Variants in ZNF343 observed in about 807,000 individuals in gnomAD.
ZNF343 encodes the protein zinc finger protein 343.
A neutral mutation model predicts 13.8 loss-of-function variants in ZNF343; 11 were observed. The ratio of observed to expected loss-of-function variants is 0.80; its 90% CI spans 0.50 to 1.32. ZNF343 has a LOEUF of 1.32. Among genes scored for constraint, ZNF343 ranks in the 40% most tolerant of loss-of-function variants. The pLI is 0.00. For missense variants in ZNF343, 658 were observed against 714.2 expected (o/e 0.92, Z 0.90); for synonymous variants, 248 against 260.0 (o/e 0.95, Z 0.44).
chr20:2,507,264 C>CA (rs775388577), intron 1 of ZNF343, among the ~76,000 whole-genome samples: 8,026 of 57,504 alleles, frequency 0.14, 436 homozygotes, highest in African/African-American at 0.22. Context: ...AACTGTGTCT[C>CA]AAAAAAAAAA....
chr20:2,516,048 AT>A (rs780115874), intron 1 of ZNF343, among the ~76,000 whole-genome samples: 1 of 152,004 alleles, frequency 6.6e-6, no homozygotes, highest in Non-Finnish European at 1.5e-5. Context: ...TGATGGTCAG[AT>A]TGAGGTGATG....
intron 5 of ZNF343, among the ~76,000 whole-genome samples, chr20:2,488,395 T>G (rs1427850378): frequency 6.6e-6 from 1 of 151,904 alleles, no homozygotes; most frequent in Non-Finnish European, 1.5e-5. Flanking sequence ...CTCCAGGAAT[T>G]TGAGATGCCA....
chr20:2,483,789 C>T lies in ZNF343; in HGVS notation c.1172G>A (p.Cys391Tyr), dbSNP rs751850982. Residue 391 changes from cysteine to tyrosine, a missense_variant, in exon 6 of 6, where the codon TGT becomes TAT. Transcript: ENST00000278772. ...YVCLECGRSF[C>Y]DKSTLRKHQR... The stretch of plus-strand genomic sequence containing the variant: ...GTGTTTTCTGAGGGTTGACTTATCA[C>T]AAAAGCTTCGTCCACACTCCAGGCA... 1 of 1,614,006 alleles carries T rather than the reference C, an allele frequency of 6.2e-7. No individual in the cohort carries two copies. The highest frequency in any genetic ancestry group is 2.2e-5 in the East Asian group (1 of 44,872).
chr20:2,516,869 G>A (rs994328761), intron 1 of ZNF343, among the ~76,000 whole-genome samples: 7 of 152,224 alleles, frequency 4.6e-5, no homozygotes, highest in African/African-American at 9.6e-5. Flanking sequence ...AAAGGTGGGC[G>A]TGAGGTTCAG....
chr20:2,522,856 T>C (rs972845989), intron 1 of ZNF343, among the ~76,000 whole-genome samples: 9 of 152,016 alleles, frequency 5.9e-5, no homozygotes, highest in Non-Finnish European at 4.4e-5. Flanking sequence ...GAGGCTGAGG[T>C]GGGAGGATCG....
intron 1 of ZNF343, among the ~76,000 whole-genome samples, chr20:2,506,590 G>A (rs1481255034): frequency 1.3e-5 from 2 of 152,136 alleles, no homozygotes; most frequent in African/African-American, 4.8e-5. Context: ...TGTGGCACAT[G>A]TACACCACGG....
chr20:2,512,903 T>C (rs1417519572), upstream of ZNF343, among the ~76,000 whole-genome samples: 1 of 133,118 alleles, frequency 7.5e-6, no homozygotes, highest in Non-Finnish European at 1.6e-5. Context: ...CTAGGCAACA[T>C]AGACCATTTC....
intron 4 of ZNF343, 68 bp downstream of exon 4, chr20:2,493,451 A>C (rs777304579): frequency 7.1e-6 from 10 of 1,410,388 alleles, no homozygotes; most frequent in Non-Finnish European, 1.0e-5. Context: ...AAGAAAGAGA[A>C]TATATGTCTA....
At chr20:2,515,010 A>C (rs1438523215) in intron 1 of ZNF343, among the ~76,000 whole-genome samples, 1 of 151,824 alleles carries the variant, frequency 6.6e-6, no homozygotes, top group Non-Finnish European at 1.5e-5. Context: ...ATCAAAAAAA[A>C]AAAAGAAGAA....
intron 2 of ZNF343, chr20:2,495,305 A>G (rs189722024): frequency 6.6e-6 from 1 of 152,340 alleles, no homozygotes; most frequent in Admixed American, 6.5e-5. Flanking sequence ...TAGTGATTAG[A>G]ATAAAAGAGG....
At chr20:2,493,636 A>G in intron 3 of ZNF343, 59 bp from the exon 4 acceptor site, 1 of 781,116 alleles carries the variant, frequency 1.3e-6, no homozygotes, top group Non-Finnish European at 1.9e-6. Flanking sequence ...ACCCCCCACC[A>G]TGACGCTCCC....
chr20:2,503,291 G>C (rs900109221), intron 1 of ZNF343, among the ~76,000 whole-genome samples: 9 of 152,106 alleles, frequency 5.9e-5, no homozygotes, highest in Non-Finnish European at 1.2e-4. Flanking sequence ...CAACACAGGA[G>C]TACCCAGATT....
chr20:2,488,578 T>C (rs745490971), intron 5 of ZNF343, among the ~76,000 whole-genome samples: 2 of 152,180 alleles, frequency 1.3e-5, no homozygotes, highest in Non-Finnish European at 2.9e-5. Flanking sequence ...TATTTTAGTG[T>C]CTGATAAGGA....
intron 5 of ZNF343, chr20:2,491,886 ACT>A: frequency 1.3e-5 from 2 of 151,840 alleles, no homozygotes; most frequent in Non-Finnish European, 2.9e-5. Flanking sequence ...ACTGAGTTTC[ACT>A]CTGTCACCAG....
Position 2,482,821 on chromosome 20 carries a change from C to G in ZNF343, c.*340G>C, listed in dbSNP as rs1038370106. The G allele has an allele frequency of 1.1e-5, 3 of 272,408 alleles. No homozygotes were observed. Among genetic ancestry groups the G allele is most frequent in the African/African-American group, 6.5e-5 (3 of 46,160 alleles). 16.9% of individuals were successfully genotyped at this position (272,408 alleles called of 1,614,324 possible). On this transcript the variant is annotated 3_prime_UTR_variant, in exon 6 of 6. Transcript: ENST00000278772. Reference sequence around the variant, plus strand: ...CTGATGCTCCCCAACACTCCCCAGACAAGGGTGCTTTCCCCTGAGGCTGTC... The same window carrying G: ...CTGATGCTCCCCAACACTCCCCAGAGAAGGGTGCTTTCCCCTGAGGCTGTC...
rs956916590 is a variant in ZNF343 at position 2,518,977 on chromosome 20, A to G, written c.-347+5478T>C. ...CCTGCCCCCCTCTCTCTTTCCTGCC[A>G]TCGTGTAAGACATGCCTTGCTTCCC... On this transcript the variant is annotated intron_variant, in intron 1 of 6. Coordinates refer to the ZNF343 transcript ENST00000358413. The surrounding 1 kb of genome is among the most constrained non-coding windows in gnomAD (Gnocchi z 4.6). 6.6e-6 allele frequency among the ~76,000 whole-genome samples: 1 copy of G among 152,176 alleles called. No individual in the cohort carries two copies. Among genetic ancestry groups the G allele is most frequent in the African/African-American group, 2.4e-5 (1 of 41,424 alleles).
chr20:2,513,067 T>A (rs1260618348), upstream of ZNF343, among the ~76,000 whole-genome samples: 1 of 152,030 alleles, frequency 6.6e-6, no homozygotes, highest in Non-Finnish European at 1.5e-5. Flanking sequence ...ACCACTGCAC[T>A]CCAGCCTGGA....
Position 2,483,030 on chromosome 20 carries a change from C to G in ZNF343, c.*131G>C. ...CCCTCCCATGCCTGATAAGGGCTGA[C>G]ACATCTCTGGAACTTCACTCACAAT... On this transcript the variant is annotated 3_prime_UTR_variant, in exon 6 of 6. Coordinates refer to ENST00000278772, the MANE Select transcript of ZNF343 (RefSeq NM_024325.6). 5 of 1,132,020 alleles carry G rather than the reference C, an allele frequency of 4.4e-6. No individual in the cohort carries two copies. The highest frequency in any genetic ancestry group is 3.7e-6 in the Non-Finnish European group (3 of 808,438). The allele number at this position is 1,132,020 out of a possible 1,614,324, so 70.1% of individuals were successfully genotyped here. A position where few individuals can be genotyped will look rare whatever the true frequency, so the allele number is the denominator to read the frequency against.
At chr20:2,515,021 G>T (rs1272836749) in intron 1 of ZNF343, among the ~76,000 whole-genome samples, 1 of 148,428 alleles carries the variant, frequency 6.7e-6, no homozygotes, top group Non-Finnish European at 1.5e-5. Flanking sequence ...AAAAGAAGAA[G>T]AAGAAGAAAG....
Sources: allele counts gnomAD v4.1 joint callset (sites outside exome capture counted in the v4.1 genomes callset), GRCh38; gene constraint gnomAD v4.1.1; non-coding constraint Gnocchi (gnomAD v3.1); transcripts MANE v1.5; gene names NCBI Gene and HGNC (gene_info 2026-07-23, HGNC 2026-07-21).